Variants in TPD52 observed in about 807,000 individuals in gnomAD.
The protein encoded by TPD52 is prostate and colon associated protein.
In TPD52, 17 loss-of-function variants were observed where a neutral mutation model predicts 31.3. The observed-to-expected ratio is 0.54, with a 90% CI of 0.37 to 0.82. TPD52 has a LOEUF of 0.82. TPD52 is among the 40% of genes least tolerant of loss of function. TPD52 has a pLI of 0.00. For missense variants in TPD52, 212 were observed against 240.1 expected (o/e 0.88, Z 0.77); for synonymous variants, 83 against 89.6 (o/e 0.93, Z 0.42).
chr8:80,129,554 T>C (rs1435615401), intron 1 of TPD52, among the ~76,000 whole-genome samples: 4 of 152,230 alleles, frequency 2.6e-5, no homozygotes, highest in African/African-American at 4.8e-5. Context: ...TTTGCTCTTG[T>C]ATTCTACCTG....
intron 1 of TPD52, among the ~76,000 whole-genome samples, chr8:80,156,394 C>A (rs1810975732): frequency 6.6e-6 from 1 of 152,138 alleles, no homozygotes; most frequent in Non-Finnish European, 1.5e-5. Flanking sequence ...CCGTCTCATT[C>A]TATTAGTTAG....
chr8:80,098,374 C>A (rs894023578), intron 1 of TPD52, among the ~76,000 whole-genome samples: 5 of 152,154 alleles, frequency 3.3e-5, no homozygotes, highest in African/African-American at 1.2e-4. Flanking sequence ...AAAGGATTCA[C>A]CATTCTAGAT....
chr8:80,116,660 T>TA (rs1446855811), intron 1 of TPD52, among the ~76,000 whole-genome samples: 1 of 152,104 alleles, frequency 6.6e-6, no homozygotes, highest in Non-Finnish European at 1.5e-5. Context: ...AGGCCAGTAT[T>TA]ACCCTGCTAC....
chr8:80,145,455 C>T (rs764926665), intron 1 of TPD52, among the ~76,000 whole-genome samples: 4 of 152,148 alleles, frequency 2.6e-5, no homozygotes, highest in South Asian at 2.1e-4. Context: ...AAGGAGCAGC[C>T]GAAATGCAAG....
chr8:80,137,784 A>T (rs1195682610), intron 1 of TPD52, among the ~76,000 whole-genome samples: 1 of 152,152 alleles, frequency 6.6e-6, no homozygotes, highest in East Asian at 1.9e-4. Flanking sequence ...GTCCTTCAGA[A>T]TTTAAATATT....
At chr8:80,082,250 A>G (rs1815372438) in intron 1 of TPD52, among the ~76,000 whole-genome samples, 1 of 150,862 alleles carries the variant, frequency 6.6e-6, no homozygotes, top group Non-Finnish European at 1.5e-5. Context: ...TTTCTTTTTT[A>G]TCATTATCTG....
intron 1 of TPD52, among the ~76,000 whole-genome samples, chr8:80,120,373 C>T (rs1311645412): frequency 2.6e-5 from 4 of 151,998 alleles, no homozygotes; most frequent in Non-Finnish European, 1.5e-5. Flanking sequence ...TCTGTAATCC[C>T]AGCTACTCAG....
At chr8:80,109,960 A>T (rs1807391514) in intron 1 of TPD52, among the ~76,000 whole-genome samples, 1 of 152,168 alleles carries the variant, frequency 6.6e-6, no homozygotes, top group Non-Finnish European at 1.5e-5. Flanking sequence ...TGTATACCTG[A>T]TACAAGTTCA....
intron 1 of TPD52, among the ~76,000 whole-genome samples, chr8:80,114,069 A>G (rs1018713302): frequency 6.6e-6 from 1 of 151,988 alleles, no homozygotes; most frequent in African/African-American, 2.4e-5. Context: ...ACATGGTAAA[A>G]CCCCGTCTCT....
intron 1 of TPD52, among the ~76,000 whole-genome samples, chr8:80,152,768 G>A (rs142755611): frequency 4.0e-3 from 291 of 72,500 alleles, no homozygotes; most frequent in African/African-American, 0.023. Context: ...GCGAAAGTGT[G>A]AGACTCCGTC....
intron 1 of TPD52, among the ~76,000 whole-genome samples, chr8:80,131,712 C>A (rs1809029585): frequency 1.3e-5 from 2 of 152,184 alleles, no homozygotes; most frequent in Non-Finnish European, 2.9e-5. Flanking sequence ...TACCTATGAG[C>A]TCACACACTT....
At chr8:80,154,884 A>G (rs1810844157) in intron 1 of TPD52, among the ~76,000 whole-genome samples, 1 of 152,144 alleles carries the variant, frequency 6.6e-6, no homozygotes, top group African/African-American at 2.4e-5. Flanking sequence ...AATCATACAT[A>G]AATTATGTAT....
chr8:80,082,731 C>T (rs1036775585), intron 1 of TPD52, among the ~76,000 whole-genome samples: 5 of 152,240 alleles, frequency 3.3e-5, no homozygotes, highest in African/African-American at 7.2e-5. Context: ...CCCTGACAGG[C>T]GCCTGTGCCT....
At chr8:80,050,375 G>T in intron 5 of TPD52, 70 bp downstream of exon 5, 1 of 1,453,520 alleles carries the variant, frequency 6.9e-7, no homozygotes, top group South Asian at 1.3e-5. Context: ...AACGTAGCAT[G>T]GTAATCTAAT....
At chr8:80,052,050 C>T (rs1167538394) in intron 3 of TPD52, among the ~76,000 whole-genome samples, 2 of 152,096 alleles carry the variant, frequency 1.3e-5, no homozygotes, top group African/African-American at 4.8e-5. Flanking sequence ...TAAAAAAGGG[C>T]CAGAAGCAAT....
intron 1 of TPD52, among the ~76,000 whole-genome samples, chr8:80,083,291 C>T (rs1262364305): frequency 2.6e-5 from 4 of 151,902 alleles, no homozygotes; most frequent in East Asian, 3.9e-4. Flanking sequence ...CATAAAGAGG[C>T]TAAAAGAGAG....
intron 1 of TPD52, 59 bp downstream of exon 1, chr8:80,171,366 G>C (rs1316908499): frequency 2.1e-5 from 12 of 583,894 alleles, no homozygotes; most frequent in Non-Finnish European, 2.3e-5. Context: ...CCGAGCCAAA[G>C]CCCGAGTCCA....
chr8:80,080,198 T>C (rs78534794), intron 1 of TPD52: 10,471 of 842,760 alleles, frequency 0.012, 94 homozygotes, highest in South Asian at 0.023. Flanking sequence ...ATTAGCTAGT[T>C]ACAACCCAAC....
chr8:80,097,307 T>G (rs1234525811), intron 1 of TPD52, among the ~76,000 whole-genome samples: 1 of 152,174 alleles, frequency 6.6e-6, no homozygotes, highest in Non-Finnish European at 1.5e-5. Context: ...ATGTATAAGG[T>G]GAAGCAGCAA....
Sources: gnomAD v4.1 joint callset for allele counts (sites outside exome capture counted in the v4.1 genomes callset) on GRCh38, gnomAD v4.1.1 for gene constraint, MANE v1.5 for transcripts, NCBI Gene and HGNC (gene_info 2026-07-23, HGNC 2026-07-21) for gene names.